The following MAGI2 variants were observed in gnomAD, a reference collection of about 807,000 sequenced individuals.
MAGI2 encodes membrane-associated guanylate kinase, WW and PDZ domain-containing protein 2.
Under a neutral mutation model 133.3 loss-of-function variants are expected in MAGI2, and 35 were observed. That is an observed-to-expected ratio of 0.26 (90% CI 0.20 to 0.35). The LOEUF (loss-of-function observed/expected upper bound fraction) is 0.35. MAGI2 is among the 10% of genes least tolerant of loss of function. The pLI, the probability that MAGI2 is intolerant of heterozygous loss-of-function variation, is 1.00. For missense variants in MAGI2, 1,636 were observed against 1,863.4 expected (o/e 0.88, Z 2.25); for synonymous variants, 729 against 710.6 (o/e 1.03, Z -0.41).
intron 4 of MAGI2, among the ~76,000 whole-genome samples, chr7:78,520,120 C>T (rs1209464924): frequency 6.6e-6 from 1 of 152,072 alleles, no homozygotes; most frequent in Non-Finnish European, 1.5e-5. Context: ...ATCAATGATG[C>T]TAGAGTCCAT....
rs1794629146 is a variant in MAGI2 at position 78,501,565 on chromosome 7, T to C, written c.965+12A>G. On this transcript the variant is annotated intron_variant, in intron 5 of 21. Coordinates refer to ENST00000354212, the MANE Select transcript of MAGI2 (RefSeq NM_012301.4). The stretch of plus-strand genomic sequence containing the variant: ...CTTTTTGGCACTGTTGAAAGAAATG[T>C]GTGAAACTCACTCAATGAAGTAGAC... The C allele has an allele frequency of 6.2e-7, 1 of 1,611,130 alleles. No individual in the cohort carries two copies. Among genetic ancestry groups the C allele is most frequent in the African/African-American group, 1.3e-5 (1 of 74,746 alleles).
intron 1 of MAGI2, among the ~76,000 whole-genome samples, chr7:79,167,418 A>C (rs970158296): frequency 7.9e-5 from 11 of 138,376 alleles, no homozygotes; most frequent in African/African-American, 1.8e-4. Flanking sequence ...AAAAAAAAAA[A>C]CTCCAGGCAA....
intron 6 of MAGI2, among the ~76,000 whole-genome samples, chr7:78,396,541 C>G (rs1163523211): frequency 6.6e-6 from 1 of 152,184 alleles, no homozygotes; most frequent in African/African-American, 2.4e-5. Flanking sequence ...CTTGCCTTCA[C>G]CATGCTATCT....
intron 2 of MAGI2, among the ~76,000 whole-genome samples, chr7:78,894,237 T>C (rs1020783802): frequency 1.3e-5 from 2 of 152,078 alleles, no homozygotes; most frequent in African/African-American, 4.8e-5. Context: ...CTGTCTCCAC[T>C]AAAAATACAA....
intron 6 of MAGI2, among the ~76,000 whole-genome samples, chr7:78,489,324 C>T (rs748738490): frequency 3.3e-5 from 5 of 152,012 alleles, no homozygotes; most frequent in African/African-American, 4.8e-5. Context: ...TCAAGGAAAG[C>T]ATGTCTTTAT....
chr7:78,239,945 G>A (rs1354509828), intron 10 of MAGI2, among the ~76,000 whole-genome samples: 4 of 151,996 alleles, frequency 2.6e-5, no homozygotes, highest in Non-Finnish European at 5.9e-5. Flanking sequence ...GAAGAGATGC[G>A]TGCACTCCCA....
intron 2 of MAGI2, among the ~76,000 whole-genome samples, chr7:78,710,344 A>C (rs1192034979): frequency 1.3e-5 from 2 of 152,144 alleles, no homozygotes; most frequent in Non-Finnish European, 2.9e-5. Flanking sequence ...TACCCTGGGG[A>C]TTCCCAGGTC....
intron 1 of MAGI2, among the ~76,000 whole-genome samples, chr7:79,151,870 G>T (rs1040341988): frequency 1.4e-5 from 2 of 145,874 alleles, no homozygotes; most frequent in Middle Eastern, 3.6e-3. Context: ...CCTTTTAGAT[G>T]CCTTACCAGT....
chr7:79,420,527 A>G (rs989388142), intron 1 of MAGI2, among the ~76,000 whole-genome samples: 1 of 152,010 alleles, frequency 6.6e-6, no homozygotes, highest in South Asian at 2.1e-4. Context: ...ATCAATGTGA[A>G]AGTTAAAAAA....
intron 11 of MAGI2, among the ~76,000 whole-genome samples, chr7:78,197,562 G>A (rs530941504): frequency 6.6e-6 from 1 of 152,198 alleles, no homozygotes; most frequent in Non-Finnish European, 1.5e-5. Flanking sequence ...AACAAGTAAT[G>A]CTTTGGGCAC....
chr7:78,922,595 T>C (rs1799350333), intron 2 of MAGI2, among the ~76,000 whole-genome samples: 1 of 152,178 alleles, frequency 6.6e-6, no homozygotes, highest in Non-Finnish European at 1.5e-5. Context: ...TCTATCGTTG[T>C]TGGACACTTG....
At chr7:78,557,822 G>A (rs976673084) in intron 3 of MAGI2, among the ~76,000 whole-genome samples, 1 of 152,108 alleles carries the variant, frequency 6.6e-6, no homozygotes, top group African/African-American at 2.4e-5. Context: ...CAGAGGTACA[G>A]TTTTTGCTTA....
intron 1 of MAGI2, among the ~76,000 whole-genome samples, chr7:79,333,389 G>A (rs772797075): frequency 3.9e-5 from 6 of 152,110 alleles, no homozygotes; most frequent in Non-Finnish European, 5.9e-5. Context: ...GCCTCCCAAA[G>A]TGCTGGGATT....
At chr7:78,789,654 T>C (rs900399253) in intron 2 of MAGI2, among the ~76,000 whole-genome samples, 1 of 152,238 alleles carries the variant, frequency 6.6e-6, no homozygotes, top group Non-Finnish European at 1.5e-5. Context: ...AAGGTAAATG[T>C]GGTATCTATT....
At chr7:78,287,514 T>G (rs960733161) in intron 9 of MAGI2, among the ~76,000 whole-genome samples, 2 of 152,174 alleles carry the variant, frequency 1.3e-5, no homozygotes, top group African/African-American at 4.8e-5. Context: ...GTTGGTACTG[T>G]CAGATTGTCA....
At chr7:79,189,393 G>A (rs2129551019) in intron 1 of MAGI2, among the ~76,000 whole-genome samples, 1 of 147,044 alleles carries the variant, frequency 6.8e-6, no homozygotes, top group African/African-American at 2.5e-5. Flanking sequence ...ATAAATCTGT[G>A]TCTACATCTT....
At chr7:78,402,167 C>A (rs531970232) in intron 6 of MAGI2, among the ~76,000 whole-genome samples, 2 of 152,260 alleles carry the variant, frequency 1.3e-5, no homozygotes, top group African/African-American at 4.8e-5. Context: ...GTGCTTGACA[C>A]CTAGGCATAT....
At chr7:78,114,900 T>C (rs3807725) in intron 20 of MAGI2, among the ~76,000 whole-genome samples, 126,552 of 152,186 alleles carry the variant, frequency 0.83, 53,005 homozygotes, top group Non-Finnish European at 0.88. Context: ...CCCTCTGGGG[T>C]TCCTCTGTGG....
chr7:78,258,433 A>T (rs901266599), intron 9 of MAGI2, among the ~76,000 whole-genome samples: 3 of 152,182 alleles, frequency 2.0e-5, no homozygotes, highest in African/African-American at 7.2e-5. Flanking sequence ...CTTGTATACT[A>T]ACATCCAACT....
Sources: allele counts gnomAD v4.1 joint callset (sites outside exome capture counted in the v4.1 genomes callset), GRCh38; gene constraint gnomAD v4.1.1; transcripts MANE v1.5; gene names NCBI Gene and HGNC (gene_info 2026-07-23, HGNC 2026-07-21).